Variants in ABCA10 observed in about 807,000 individuals in gnomAD.
ABCA10 encodes ATP-binding cassette sub-family A member 10.
In ABCA10, 169 loss-of-function variants were observed where a neutral mutation model predicts 187.5. That is an observed-to-expected ratio of 0.90 (90% CI 0.80 to 1.02). The LOEUF (loss-of-function observed/expected upper bound fraction) is 1.02. Among genes scored for constraint, ABCA10 ranks in the 50% least tolerant of loss-of-function variants. The pLI, the probability that ABCA10 is intolerant of heterozygous loss-of-function variation, is 0.00. For missense variants in ABCA10, 1,727 were observed against 1,812.4 expected, an observed-to-expected ratio of 0.95 and a Z score of 0.86; for synonymous variants, 574 against 601.8, an observed-to-expected ratio of 0.95 and a Z score of 0.68.
At chr17:69,156,607 C>A (rs1193321607) in intron 28 of ABCA10, among the ~76,000 whole-genome samples, 1 of 151,786 alleles carries the variant, frequency 6.6e-6, no homozygotes, top group Non-Finnish European at 1.5e-5. Context: ...CCAATCTGAG[C>A]AATATAGCAA....
chr17:69,238,119 G>A (rs887190357), intron 1 of ABCA10, among the ~76,000 whole-genome samples: 1 of 149,714 alleles, frequency 6.7e-6, no homozygotes, highest in East Asian at 2.0e-4. Flanking sequence ...CTGAGATCAC[G>A]CCATTGCACT....
Position 69,152,580 on chromosome 17 carries a change from G to A in ABCA10, c.4137-99C>T. The A allele has an allele frequency of 1.0e-5, 15 of 1,482,134 alleles. No individual in the cohort carries two copies. The South Asian group carries it at 2.1e-4, about 21-fold the overall frequency. 91.8% of individuals were successfully genotyped at this position (1,482,134 alleles called of 1,614,324 possible). On this transcript the variant is annotated intron_variant, in intron 34 of 38. Transcript: ENST00000690296. ...AATCTAAAGAGAAAATGTTATGTTA[G>A]GATGCAAGAAACCTGTGCAACATGG...
At chr17:69,175,650 TG>T in intron 22 of ABCA10, 137 bp from the exon 23 acceptor site, 1 of 647,804 alleles carries the variant, frequency 1.5e-6, no homozygotes, top group Non-Finnish European at 2.5e-6. Flanking sequence ...CAAGCAAACA[TG>T]TTTTGTTAAC....
At position 69,154,023 on chromosome 17, in the gene ABCA10, T is replaced by C; in HGVS notation, c.3787-14A>G. ...TTGTAACACCACCTGCACAAGACAA[T>C]GAATGTCAGATTCACCTTTGGTTTT... On this transcript the variant is annotated splice_polypyrimidine_tract_variant and intron_variant, in intron 31 of 38. Transcript: ENST00000690296. 1 of 1,609,492 alleles carries C rather than the reference T, an allele frequency of 6.2e-7. No individual in the cohort carries two copies. Among genetic ancestry groups the C allele is most frequent in the African/African-American group, 1.3e-5 (1 of 74,926 alleles).
At position 69,222,552 on chromosome 17, in the gene ABCA10, C is replaced by T; in HGVS notation, c.180G>A (p.Lys60=). Residue 60 remains lysine, a synonymous_variant, in exon 4 of 39, where the codon AAG becomes AAA. Transcript: ENST00000690296. ...FNWGYRIPVI[K]EHSEYTEHCW... ...AGTTACCTGTGTATTCAGAGTGCTC[C>T]TTTATAACTGGGATTCTATATCCCC... The T allele has an allele frequency of 6.3e-7, 1 of 1,580,506 alleles. No homozygotes were observed. Among genetic ancestry groups the T allele is most frequent in the Non-Finnish European group, 8.5e-7 (1 of 1,171,026 alleles).
In ABCA10 at chr17:69,226,736, A is replaced by G. The variant is rs553112035; in HGVS notation, c.-172+409T>C. ...ATGACATTAATCGAAATGTCCCCAAATAGTATCAGGGTTTGCCCACGTAAA... is the reference window on the plus strand; with the variant it reads ...ATGACATTAATCGAAATGTCCCCAAGTAGTATCAGGGTTTGCCCACGTAAA... On this transcript the variant is annotated intron_variant, in intron 2 of 38. Coordinates refer to ENST00000690296, the MANE Select transcript of ABCA10 (RefSeq NM_001377321.1). Among the ~76,000 whole-genome samples the G allele has an allele frequency of 3.7e-4, 57 of 152,064 alleles. No homozygotes were observed. In the South Asian group the frequency reaches 0.011, roughly 30 times the overall value.
At chr17:69,226,281 T>A (rs1295463679) in intron 2 of ABCA10, among the ~76,000 whole-genome samples, 2 of 152,076 alleles carry the variant, frequency 1.3e-5, no homozygotes, top group East Asian at 3.8e-4. Context: ...AGGTGTTCAT[T>A]GTACCAATAT....
chr17:69,235,832 A>C (rs1245265674), intron 1 of ABCA10, among the ~76,000 whole-genome samples: 3 of 152,226 alleles, frequency 2.0e-5, no homozygotes, highest in African/African-American at 7.2e-5. Context: ...TAGAGATGCA[A>C]TACTTTTAAA....
chr17:69,198,940 C>T (rs2074524513), intron 10 of ABCA10, among the ~76,000 whole-genome samples: 1 of 152,220 alleles, frequency 6.6e-6, no homozygotes, highest in Non-Finnish European at 1.5e-5. Flanking sequence ...AATCTCCTTA[C>T]CTTGGCAAGC....
At chr17:69,232,016 T>C (rs913096221), upstream of ABCA10, among the ~76,000 whole-genome samples, 1 of 152,106 alleles carries the variant, frequency 6.6e-6, no homozygotes, top group African/African-American at 2.4e-5. Flanking sequence ...TTATCTCATT[T>C]TAAAGTTTTG....
Position 69,215,817 on chromosome 17 carries a change from G to C in ABCA10, c.856C>G (p.Gln286Glu), listed in dbSNP as rs757519373. 1 of 1,564,830 alleles carries C rather than the reference G, an allele frequency of 6.4e-7. No individual in the cohort carries two copies. The change falls in exon 8 of 39, where the codon CAG (glutamine) becomes GAG (glutamate). Residue 286 changes from glutamine (Q) to glutamate (E), a missense_variant and splice_region_variant. Physicochemically the swap from Gln to Glu is conservative, Grantham distance 29. Coordinates refer to ENST00000690296, the MANE Select transcript of ABCA10 (RefSeq NM_001377321.1). ...SPFAFTAGMA[Q>E]ITHLDNYLSG... ...TCTTGAAATAATTATGTTCTTACCT[G>C]GGCCATTCCAGCAGTGAAGGCAAAA...
At chr17:69,194,879 T>C (rs2074486714) in intron 11 of ABCA10, among the ~76,000 whole-genome samples, 1 of 152,184 alleles carries the variant, frequency 6.6e-6, no homozygotes, top group African/African-American at 2.4e-5. Context: ...CTTGCAGAGC[T>C]GGAAACAGAA....
intron 25 of ABCA10, among the ~76,000 whole-genome samples, chr17:69,166,968 T>G (rs1329117312): frequency 1.3e-5 from 2 of 152,296 alleles, no homozygotes; most frequent in East Asian, 3.9e-4. Context: ...TGCCATTATC[T>G]ATAAAAGCTG....
In ABCA10 at chr17:69,215,810, C is replaced by A; in HGVS notation, c.858+5G>T. ...AATAAAATCTTGAAATAATTATGTTCTTACCTGGGCCATTCCAGCAGTGAA... is the reference window on the plus strand; with the variant it reads ...AATAAAATCTTGAAATAATTATGTTATTACCTGGGCCATTCCAGCAGTGAA... On this transcript the variant is annotated splice_donor_5th_base_variant and intron_variant, in intron 8 of 38. Transcript: ENST00000690296. The A allele has an allele frequency of 1.3e-6, 2 of 1,515,714 alleles. No individual in the cohort carries two copies. Among genetic ancestry groups the A allele is most frequent in the Non-Finnish European group, 8.8e-7 (1 of 1,137,822 alleles). 93.9% of individuals were successfully genotyped at this position (1,515,714 alleles called of 1,614,324 possible).
intron 27 of ABCA10, among the ~76,000 whole-genome samples, chr17:69,158,640 T>C (rs1372302025): frequency 6.6e-6 from 1 of 152,002 alleles, no homozygotes; most frequent in Non-Finnish European, 1.5e-5. Context: ...AAATAAACAT[T>C]AACAATAATG....
At position 69,158,587 on chromosome 17, in the gene ABCA10, C is replaced by A. The variant is rs138463695; in HGVS notation, c.3364-1664G>T. On this transcript the variant is annotated intron_variant, in intron 27 of 38. Coordinates refer to ENST00000690296, the MANE Select transcript of ABCA10 (RefSeq NM_001377321.1). ...AAATAAACCTTAAATGCAGATAAAC[C>A]TTTAAACATAAATATTTTCAACTCA... Among the ~76,000 whole-genome samples, 22 of 151,400 alleles carry A rather than the reference C, an allele frequency of 1.5e-4. No individual in the cohort carries two copies. The East Asian group carries it at 4.3e-3, about 29-fold the overall frequency.
At chr17:69,190,303 T>A in intron 18 of ABCA10, 55 bp downstream of exon 18, 2 of 1,490,296 alleles carry the variant, frequency 1.3e-6, no homozygotes, top group Non-Finnish European at 1.8e-6. Flanking sequence ...TAGAACATCA[T>A]CTTTTTCTCT....
chr17:69,193,348 C>A (rs1238076099), intron 14 of ABCA10, 100 bp from the exon 15 acceptor site: 71 of 1,527,112 alleles, frequency 4.6e-5, no homozygotes, highest in Non-Finnish European at 6.3e-5. Context: ...CAAATACAGT[C>A]CTCCACCAGA....
chr17:69,239,385 T>C (rs554883537), intron 1 of ABCA10, among the ~76,000 whole-genome samples: 46 of 152,320 alleles, frequency 3.0e-4, no homozygotes, highest in African/African-American at 1.1e-3. Context: ...TATTTATAAT[T>C]GTAAGCTCCT....
Sources: allele counts gnomAD v4.1 joint callset (sites outside exome capture counted in the v4.1 genomes callset), GRCh38; gene constraint gnomAD v4.1.1; transcripts MANE v1.5; gene names NCBI Gene and HGNC (gene_info 2026-07-23, HGNC 2026-07-21).